The following TACR3 variants were observed in gnomAD, a reference collection of about 807,000 sequenced individuals.
TACR3 encodes the protein tachykinin receptor 3, also known as neuromedin-K receptor.
TACR3 carries 34 observed loss-of-function variants against 35.0 expected under a neutral mutation model. The observed-to-expected ratio is 0.97, with a 90% CI of 0.74 to 1.30. The LOEUF (loss-of-function observed/expected upper bound fraction) is 1.30. Ranked by LOEUF, TACR3 falls within the 50% of genes most tolerant of loss-of-function variation. The pLI is 0.00. For synonymous variants in TACR3, 233 were observed against 221.1 expected, an observed-to-expected ratio of 1.05 and a Z score of -0.48; for missense variants, 558 against 591.7, an observed-to-expected ratio of 0.94 and a Z score of 0.59.
intron 3 of TACR3, among the ~76,000 whole-genome samples, chr4:103,654,360 T>C (rs896680987): frequency 6.6e-6 from 1 of 151,642 alleles, no homozygotes; most frequent in Non-Finnish European, 1.5e-5. Flanking sequence ...TGGAATACTA[T>C]GCAGCCATAA....
At chr4:103,643,165 T>C (rs959942517) in intron 3 of TACR3, among the ~76,000 whole-genome samples, 102 of 152,014 alleles carry the variant, frequency 6.7e-4, no homozygotes, top group Admixed American at 6.2e-3. Context: ...GCTATTTAAA[T>C]TTAAACTTAC....
intron 1 of TACR3, among the ~76,000 whole-genome samples, chr4:103,682,958 C>T (rs1722134457): frequency 6.6e-6 from 1 of 152,124 alleles, no homozygotes; most frequent in Admixed American, 6.6e-5. Flanking sequence ...ATAATTCAAT[C>T]ACCGAAGTGA....
chr4:103,660,110 TTTG>T (rs1471310070), intron 1 of TACR3, among the ~76,000 whole-genome samples: 1 of 152,054 alleles, frequency 6.6e-6, no homozygotes. Flanking sequence ...TTTATAAATC[TTTG>T]TTGTTGTAAC....
intron 3 of TACR3, among the ~76,000 whole-genome samples, chr4:103,612,035 C>G (rs368085362): frequency 3.0e-4 from 46 of 152,168 alleles, no homozygotes; most frequent in African/African-American, 1.1e-3. Context: ...ATAGCAGATA[C>G]AGTAACTTTT....
intron 3 of TACR3, among the ~76,000 whole-genome samples, chr4:103,652,012 G>A (rs1725629166): frequency 6.6e-6 from 1 of 151,936 alleles, no homozygotes; most frequent in Non-Finnish European, 1.5e-5. Flanking sequence ...CAAGTGGAAG[G>A]AGCCAGTTCC....
chr4:103,592,969 C>A (rs1007627619), intron 3 of TACR3, among the ~76,000 whole-genome samples: 5 of 152,134 alleles, frequency 3.3e-5, no homozygotes, highest in African/African-American at 9.7e-5. Context: ...AAATCCAGGT[C>A]AACAGCTCAC....
In TACR3 at chr4:103,589,741, C is replaced by A. The variant is rs201442145; in HGVS notation, c.1339G>T (p.Ala447Ser). 1 of 1,613,946 alleles carries A rather than the reference C, an allele frequency of 6.2e-7. No homozygotes were observed. Residue 447 changes from alanine (A) to serine (S), a missense_variant, in exon 5 of 5, where the codon GCC (alanine) becomes TCC (serine). By Grantham distance (99) the Ala-to-Ser change is moderately conservative. Transcript: ENST00000304883. ...CTTATGAAACTTGAAGTGGCGGAGG[C>A]AGATTTGGAATTCCTGCGAGAGCAG... The part of the protein sequence containing the change: ...NGCSRRNSKS[A>S]SATSSFISSP...
intron 1 of TACR3, among the ~76,000 whole-genome samples, chr4:103,688,379 A>C (rs556811247): frequency 4.6e-5 from 7 of 152,212 alleles, no homozygotes; most frequent in Admixed American, 6.5e-5. Flanking sequence ...AATGGCAACA[A>C]AAGCCAAAAT....
chr4:103,687,757 C>G (rs1722283148), intron 1 of TACR3, among the ~76,000 whole-genome samples: 1 of 152,232 alleles, frequency 6.6e-6, no homozygotes, highest in Admixed American at 6.5e-5. Context: ...AGGATACAAA[C>G]AAATGGAAGA....
chr4:103,677,201 A>G (rs1258769274), intron 1 of TACR3, among the ~76,000 whole-genome samples: 1 of 152,216 alleles, frequency 6.6e-6, no homozygotes, highest in African/African-American at 2.4e-5. Context: ...TTAAAAAGTC[A>G]AAAAGCAACA....
intron 3 of TACR3, among the ~76,000 whole-genome samples, chr4:103,602,404 C>T (rs1229451355): frequency 2.0e-5 from 3 of 152,152 alleles, no homozygotes; most frequent in Non-Finnish European, 2.9e-5. Flanking sequence ...CATTCTCCAT[C>T]CAGCTGTGTT....
At chr4:103,639,466 A>G (rs1179345666) in intron 3 of TACR3, among the ~76,000 whole-genome samples, 2 of 152,198 alleles carry the variant, frequency 1.3e-5, no homozygotes, top group South Asian at 4.1e-4. Context: ...GGGGAGGGAT[A>G]GCATTGGAAG....
chr4:103,593,133 G>T (rs562460709), intron 3 of TACR3, among the ~76,000 whole-genome samples: 1 of 152,178 alleles, frequency 6.6e-6, no homozygotes, highest in East Asian at 1.9e-4. Flanking sequence ...AAAAACAAAT[G>T]ATTTAATTTA....
chr4:103,619,928 T>C (rs1724739063), intron 3 of TACR3, among the ~76,000 whole-genome samples: 1 of 152,090 alleles, frequency 6.6e-6, no homozygotes, highest in African/African-American at 2.4e-5. Flanking sequence ...AAAGAGTTTC[T>C]GCACAGCAAA....
chr4:103,604,023 G>T (rs539717988), intron 3 of TACR3, among the ~76,000 whole-genome samples: 3 of 152,144 alleles, frequency 2.0e-5, no homozygotes, highest in African/African-American at 2.4e-5. Flanking sequence ...TTTCTTCACA[G>T]AATTAGAAAA....
At chr4:103,602,703 G>A (rs940503048) in intron 3 of TACR3, among the ~76,000 whole-genome samples, 13 of 152,138 alleles carry the variant, frequency 8.5e-5, no homozygotes, top group East Asian at 1.9e-4. Context: ...GCAGAACAGC[G>A]GATATTGGTG....
chr4:103,675,630 A>T (rs896812843), intron 1 of TACR3, among the ~76,000 whole-genome samples: 4 of 152,194 alleles, frequency 2.6e-5, no homozygotes, highest in African/African-American at 7.2e-5. Context: ...AAATGAAGAT[A>T]TGAAGCTCTA....
At chr4:103,620,249 A>G (rs2110303361) in intron 3 of TACR3, among the ~76,000 whole-genome samples, 1 of 152,340 alleles carries the variant, frequency 6.6e-6, no homozygotes, top group Non-Finnish European at 1.5e-5. Flanking sequence ...AAAGCAACAG[A>G]TGCTGGTGAG....
chr4:103,650,744 TA>T (rs1725588847), intron 3 of TACR3, among the ~76,000 whole-genome samples: 2 of 88,060 alleles, frequency 2.3e-5, no homozygotes, highest in African/African-American at 9.6e-5. Context: ...ATATCATATA[TA>T]ATATATATAT....
Sources: allele counts gnomAD v4.1 joint callset (sites outside exome capture counted in the v4.1 genomes callset), GRCh38; gene constraint gnomAD v4.1.1; transcripts MANE v1.5; gene names NCBI Gene and HGNC (gene_info 2026-07-23, HGNC 2026-07-21).